Variants in SLIT2 observed in about 807,000 individuals in gnomAD.
SLIT2 encodes the protein slit homolog 2 protein.
SLIT2 carries 41 observed loss-of-function variants against 185.7 expected under a neutral mutation model. That is an observed-to-expected ratio of 0.22 (90% CI 0.17 to 0.29). The LOEUF (loss-of-function observed/expected upper bound fraction) is 0.29. SLIT2 is among the 10% of genes least tolerant of loss of function. SLIT2 has a pLI of 1.00. For missense variants in SLIT2, 1,571 were observed against 1,909.0 expected, an observed-to-expected ratio of 0.82 and a Z score of 3.30; for synonymous variants, 693 against 680.2, an observed-to-expected ratio of 1.02 and a Z score of -0.29.
intron 9 of SLIT2, among the ~76,000 whole-genome samples, chr4:20,509,688 T>A (rs1719531163): frequency 6.6e-6 from 1 of 152,186 alleles, no homozygotes. Flanking sequence ...CAACATTTTT[T>A]TGATAGACTA....
chr4:20,412,740 AG>A (rs1214276070), intron 4 of SLIT2, among the ~76,000 whole-genome samples: 1 of 152,104 alleles, frequency 6.6e-6, no homozygotes, highest in African/African-American at 2.4e-5. Context: ...ATTTTCATAG[AG>A]TTATGTAATC....
chr4:20,254,191 T>C lies in SLIT2; in HGVS notation c.179+197T>C, dbSNP rs73801489. 7.0e-3 allele frequency among the ~76,000 whole-genome samples: 1,070 copies of C among 152,136 alleles called. 14 individuals are homozygous for C. Among genetic ancestry groups the C allele is most frequent in the African/African-American group, 0.025 (1,028 of 41,520 alleles). ...TCTGTCCAAGGAGGGGCGGGTCCGC[T>C]GGCAGCTGCGCTAGTTCTCCCTCCC... On this transcript the variant is annotated intron_variant, in intron 1 of 36. Coordinates refer to ENST00000504154, the MANE Select transcript of SLIT2 (RefSeq NM_004787.4). This position sits in a 1 kb window ranked among gnomAD's most constrained non-coding sequence, Gnocchi z 5.1.
At chr4:20,418,415 T>C (rs574360698) in intron 4 of SLIT2, among the ~76,000 whole-genome samples, 2 of 152,206 alleles carry the variant, frequency 1.3e-5, no homozygotes, top group Non-Finnish European at 2.9e-5. Context: ...TTTTCTCCAT[T>C]ATACATAGCT....
chr4:20,576,360 A>G (rs1275140556), intron 29 of SLIT2, among the ~76,000 whole-genome samples: 1 of 152,172 alleles, frequency 6.6e-6, no homozygotes, highest in Non-Finnish European at 1.5e-5. Context: ...CACTTCGTAT[A>G]GAAAGATTTT....
chr4:20,560,455 G>A (rs1340956819), intron 26 of SLIT2, among the ~76,000 whole-genome samples: 2 of 151,790 alleles, frequency 1.3e-5, no homozygotes, highest in Admixed American at 1.3e-4. Context: ...TACCCAGATA[G>A]AGCATCCCTG....
chr4:20,275,549 A>T (rs1274603445), intron 4 of SLIT2, among the ~76,000 whole-genome samples: 1 of 152,186 alleles, frequency 6.6e-6, no homozygotes, highest in Non-Finnish European at 1.5e-5. Context: ...AGTTCCTGAT[A>T]CTATTGCACA....
chr4:20,446,543 A>G (rs985359756), intron 4 of SLIT2, among the ~76,000 whole-genome samples: 4 of 152,258 alleles, frequency 2.6e-5, no homozygotes, highest in Non-Finnish European at 4.4e-5. Context: ...CTAACTTTTC[A>G]GATGTCTCTT....
At chr4:20,564,055 C>T (rs1424661457) in intron 26 of SLIT2, among the ~76,000 whole-genome samples, 3 of 151,766 alleles carry the variant, frequency 2.0e-5, no homozygotes, top group Non-Finnish European at 4.4e-5. Flanking sequence ...TTGGCTTGCT[C>T]GTGGAGAGGT....
At chr4:20,427,739 A>G (rs1577638109) in intron 4 of SLIT2, among the ~76,000 whole-genome samples, 1 of 151,972 alleles carries the variant, frequency 6.6e-6, no homozygotes, top group South Asian at 2.1e-4. Context: ...GTCTTCTAAA[A>G]ACTTCCCAGT....
At chr4:20,283,448 T>A (rs1276222904) in intron 4 of SLIT2, among the ~76,000 whole-genome samples, 2 of 152,172 alleles carry the variant, frequency 1.3e-5, no homozygotes, top group Non-Finnish European at 2.9e-5. Flanking sequence ...AAGACCAATC[T>A]TTCCAGTATT....
At chr4:20,472,446 CTATA>C (rs1326200726) in intron 5 of SLIT2, among the ~76,000 whole-genome samples, 4 of 51,172 alleles carry the variant, frequency 7.8e-5, no homozygotes, top group Non-Finnish European at 1.0e-4. Flanking sequence ...AGATATATAT[CTATA>C]TAGATATATC....
At chr4:20,268,752 A>T (rs1713296991) in intron 3 of SLIT2, 58 bp from the exon 4 acceptor site, 2 of 1,024,506 alleles carry the variant, frequency 2.0e-6, no homozygotes, top group African/African-American at 1.6e-5. Context: ...ACCAAATCAC[A>T]GTCTCATTGT....
chr4:20,462,325 G>A (rs1713819266), intron 4 of SLIT2, among the ~76,000 whole-genome samples: 1 of 152,114 alleles, frequency 6.6e-6, no homozygotes, highest in Admixed American at 6.5e-5. Flanking sequence ...AAATTCCGTA[G>A]TGTCATGCCT....
chr4:20,510,413 C>T, intron 9 of SLIT2, 82 bp from the exon 10 acceptor site: 1 of 887,782 alleles, frequency 1.1e-6, no homozygotes, highest in Non-Finnish European at 1.9e-6. Flanking sequence ...AACTTTACTT[C>T]TTGACATGAA....
At chr4:20,380,880 A>G (rs960911842) in intron 4 of SLIT2, among the ~76,000 whole-genome samples, 4 of 152,140 alleles carry the variant, frequency 2.6e-5, no homozygotes, top group African/African-American at 9.7e-5. Context: ...TGTATTGACA[A>G]TTACAAACCC....
At chr4:20,283,186 G>A (rs142279605) in intron 4 of SLIT2, among the ~76,000 whole-genome samples, 1 of 151,804 alleles carries the variant, frequency 6.6e-6, no homozygotes, top group Non-Finnish European at 1.5e-5. Flanking sequence ...ACATTTTATA[G>A]CTTAACTGTC....
intron 4 of SLIT2, among the ~76,000 whole-genome samples, chr4:20,449,566 G>A (rs184831061): frequency 0.017 from 2,553 of 151,892 alleles, 37 homozygotes; most frequent in Middle Eastern, 0.024. Context: ...ACACCACCAC[G>A]CCCAGCTAAT....
At chr4:20,512,092 A>G (rs866290168) in intron 11 of SLIT2, among the ~76,000 whole-genome samples, 13 of 152,234 alleles carry the variant, frequency 8.5e-5, no homozygotes, top group African/African-American at 2.7e-4. Flanking sequence ...CCTTTAGATC[A>G]GATTTAAATA....
chr4:20,436,088 A>G (rs1421159441), intron 4 of SLIT2, among the ~76,000 whole-genome samples: 1 of 152,218 alleles, frequency 6.6e-6, no homozygotes, highest in Non-Finnish European at 1.5e-5. Context: ...TTACCTTGGA[A>G]TCTTCTTGAA....
Sources: gnomAD v4.1 joint callset for allele counts (sites outside exome capture counted in the v4.1 genomes callset) on GRCh38, gnomAD v4.1.1 for gene constraint, Gnocchi (gnomAD v3.1) non-coding constraint, MANE v1.5 for transcripts, NCBI Gene and HGNC (gene_info 2026-07-23, HGNC 2026-07-21) for gene names.